The following KDM4C variants were observed in gnomAD, a reference collection of about 807,000 sequenced individuals.
KDM4C encodes the protein lysine-specific demethylase 4C.
Under a neutral mutation model 129.3 loss-of-function variants are expected in KDM4C, and 81 were observed. The observed-to-expected ratio is 0.63, with a 90% CI of 0.52 to 0.75. The LOEUF (loss-of-function observed/expected upper bound fraction) is 0.75. KDM4C is among the 30% of genes least tolerant of loss of function. The pLI, the probability that KDM4C is intolerant of heterozygous loss-of-function variation, is 0.00. For synonymous variants in KDM4C, 573 were observed against 456.1 expected, an observed-to-expected ratio of 1.26 and a Z score of -3.26; for missense variants, 1,457 against 1,304.0, an observed-to-expected ratio of 1.12 and a Z score of -1.81.
intron 8 of KDM4C, chr9:6,942,614 T>TA (rs1826167608): frequency 6.6e-6 from 1 of 152,204 alleles, no homozygotes; most frequent in Non-Finnish European, 1.5e-5. Context: ...TTCCCTCCGT[T>TA]ATGAAACTTC....
intron 8 of KDM4C, among the ~76,000 whole-genome samples, chr9:6,969,024 A>G (rs1018237748): frequency 2.0e-5 from 3 of 151,824 alleles, no homozygotes; most frequent in African/African-American, 7.3e-5. Context: ...GCAACCTCCA[A>G]CTCCTGGTTC....
At chr9:7,143,583 A>G (rs1438398299) in intron 19 of KDM4C, among the ~76,000 whole-genome samples, 1 of 152,216 alleles carries the variant, frequency 6.6e-6, no homozygotes, top group African/African-American at 2.4e-5. Flanking sequence ...TCTTGTTTGG[A>G]TAAATCTAAC....
At position 6,758,126 on chromosome 9, in the gene KDM4C, A is replaced by G. The variant is rs900227001; in HGVS notation, c.-95A>G. On this transcript the variant is annotated 5_prime_UTR_variant, in exon 1 of 22. Transcript: ENST00000381309. The surrounding 1 kb of genome is among the most constrained non-coding windows in gnomAD (Gnocchi z 4.6). ...GCGGAACAAGTCTCCCAAATTTCCC[A>G]AATCTCCCTGGGCCGGAGGCCACTG... 23 of 985,372 alleles carry G rather than the reference A, an allele frequency of 2.3e-5. No individual in the cohort carries two copies. The highest frequency in any genetic ancestry group is 1.9e-5 in the Non-Finnish European group (16 of 830,058). The allele number at this position is 985,372 out of a possible 1,614,324, so 61.0% of individuals were successfully genotyped here.
chr9:7,046,426 C>T (rs970915125), intron 15 of KDM4C, among the ~76,000 whole-genome samples: 28 of 151,934 alleles, frequency 1.8e-4, no homozygotes, highest in Non-Finnish European at 3.2e-4. Context: ...AGAAAAAAGC[C>T]TGCCCAGACT....
At chr9:7,129,466 A>T (rs1840380726) in intron 19 of KDM4C, among the ~76,000 whole-genome samples, 1 of 152,198 alleles carries the variant, frequency 6.6e-6, no homozygotes, top group Non-Finnish European at 1.5e-5. Flanking sequence ...CCTTTACTGC[A>T]TTGCCACTGT....
chr9:6,837,185 G>T (rs767240569), intron 4 of KDM4C, among the ~76,000 whole-genome samples: 5 of 152,110 alleles, frequency 3.3e-5, no homozygotes, highest in Non-Finnish European at 7.4e-5. Flanking sequence ...AGCCTCCTGA[G>T]TAGCAGGGAC....
chr9:6,929,204 A>G (rs771575014), intron 8 of KDM4C, among the ~76,000 whole-genome samples: 24 of 152,052 alleles, frequency 1.6e-4, no homozygotes, highest in Non-Finnish European at 2.9e-5. Context: ...TCTTTCTTGT[A>G]TTTGCTTATG....
chr9:6,757,702 C>G, upstream of KDM4C: 1 of 985,530 alleles, frequency 1.0e-6, no homozygotes, highest in Non-Finnish European at 1.2e-6. Context: ...CAGGTCCAGC[C>G]CTGCGGGACC....
intron 7 of KDM4C, among the ~76,000 whole-genome samples, chr9:6,889,696 A>C (rs1020633718): frequency 3.3e-5 from 5 of 152,228 alleles, no homozygotes; most frequent in Non-Finnish European, 7.3e-5. Flanking sequence ...GTTACAAGGT[A>C]GACGTGAAGG....
At chr9:7,061,746 C>T (rs1485295443) in intron 17 of KDM4C, among the ~76,000 whole-genome samples, 4 of 152,168 alleles carry the variant, frequency 2.6e-5, no homozygotes, top group Non-Finnish European at 4.4e-5. Flanking sequence ...GTTCCAGAGA[C>T]CCTCTTTTAC....
intron 4 of KDM4C, among the ~76,000 whole-genome samples, chr9:6,841,176 T>A (rs7021536): frequency 6.6e-6 from 1 of 152,076 alleles, no homozygotes; most frequent in African/African-American, 2.4e-5. Context: ...GAAGTGGTAG[T>A]TCCCCCTGTG....
At chr9:6,902,834 C>T (rs1456065463) in intron 8 of KDM4C, 2 of 152,030 alleles carry the variant, frequency 1.3e-5, no homozygotes, top group African/African-American at 4.8e-5. Context: ...TACTTTTTTG[C>T]TAAAATGAAG....
chr9:7,103,083 A>G (rs936085938), intron 17 of KDM4C, among the ~76,000 whole-genome samples: 7 of 152,090 alleles, frequency 4.6e-5, no homozygotes, highest in Admixed American at 1.3e-4. Flanking sequence ...GTGATTTTCA[A>G]TTTTCTCACT....
intron 9 of KDM4C, chr9:6,982,746 G>T (rs1055749997): frequency 6.6e-6 from 1 of 152,200 alleles, no homozygotes; most frequent in Admixed American, 6.5e-5. Context: ...TTTTCATTAG[G>T]TGTATGACTT....
intron 2 of KDM4C, among the ~76,000 whole-genome samples, chr9:6,796,865 A>G (rs1210847963): frequency 6.6e-6 from 1 of 152,190 alleles, no homozygotes; most frequent in East Asian, 1.9e-4. Flanking sequence ...CAGTAGTAGC[A>G]TATGTATAAA....
At chr9:7,156,297 G>C (rs1232791171) in intron 19 of KDM4C, among the ~76,000 whole-genome samples, 22 of 152,200 alleles carry the variant, frequency 1.4e-4, no homozygotes, top group Non-Finnish European at 2.9e-5. Flanking sequence ...CTCCCATTCT[G>C]TAGGTTGCCT....
chr9:6,869,119 C>G (rs991952078), intron 5 of KDM4C, among the ~76,000 whole-genome samples: 14 of 152,158 alleles, frequency 9.2e-5, no homozygotes, highest in Non-Finnish European at 2.1e-4. Flanking sequence ...TTAAAAAGAA[C>G]TGCCCAACTT....
chr9:7,018,288 C>G (rs1250271572), intron 15 of KDM4C, among the ~76,000 whole-genome samples: 3 of 152,256 alleles, frequency 2.0e-5, no homozygotes, highest in African/African-American at 7.2e-5. Context: ...GACATAACAG[C>G]CTTACAATCT....
intron 8 of KDM4C, among the ~76,000 whole-genome samples, chr9:6,940,883 A>T (rs1563851951): frequency 7.1e-6 from 1 of 141,384 alleles, no homozygotes; most frequent in Non-Finnish European, 1.6e-5. Flanking sequence ...AAGAAACTTA[A>T]ATTTACAAGA....
Sources: gnomAD v4.1 joint callset for allele counts (sites outside exome capture counted in the v4.1 genomes callset) on GRCh38, gnomAD v4.1.1 for gene constraint, Gnocchi (gnomAD v3.1) non-coding constraint, MANE v1.5 for transcripts, NCBI Gene and HGNC (gene_info 2026-07-23, HGNC 2026-07-21) for gene names.